Variants in REDIC1 observed in about 807,000 individuals in gnomAD.
The protein encoded by REDIC1 is regulator of DNA class I crossover intermediates 1.
the REDIC1 span, chr12:39,864,985 ACTCCTG>A: frequency 4.7e-6 from 5 of 1,063,908 alleles, no homozygotes; most frequent in Middle Eastern, 2.9e-4. Context: ...ACAAACAAAA[ACTCCTG>A]AAAAAAAAAT....
At chr12:39,698,507 T>A in the REDIC1 span, among the ~76,000 whole-genome samples, 1 of 152,182 alleles carries the variant, frequency 6.6e-6, no homozygotes, top group Admixed American at 6.5e-5. Context: ...CTAAAAGATA[T>A]TTACAGAACA....
chr12:39,678,919 C>T, the REDIC1 span, among the ~76,000 whole-genome samples: 1 of 152,008 alleles, frequency 6.6e-6, no homozygotes, highest in African/African-American at 2.4e-5. Flanking sequence ...TTAAAACCCT[C>T]AGCAAAATCA....
At chr12:39,811,336 C>T in the REDIC1 span, among the ~76,000 whole-genome samples, 2 of 151,800 alleles carry the variant, frequency 1.3e-5, no homozygotes, top group Non-Finnish European at 2.9e-5. Flanking sequence ...TTATATCTTT[C>T]CTTCTAATTA....
At chr12:39,759,572 G>A in the REDIC1 span, 1 of 154,588 alleles carries the variant, frequency 6.5e-6, no homozygotes, top group African/African-American at 2.4e-5. Context: ...CTACTCTGTA[G>A]GAAAACTGAG....
At chr12:39,871,132 T>C in the REDIC1 span, among the ~76,000 whole-genome samples, 5 of 152,174 alleles carry the variant, frequency 3.3e-5, no homozygotes, top group African/African-American at 1.2e-4. Flanking sequence ...ATGTTAAATA[T>C]GTGGGTCTCA....
At chr12:39,696,197 C>T in the REDIC1 span, among the ~76,000 whole-genome samples, 2 of 152,158 alleles carry the variant, frequency 1.3e-5, no homozygotes, top group Admixed American at 6.5e-5. Flanking sequence ...TACAAACAAA[C>T]ATCTACAAGC....
chr12:39,796,228 C>A, the REDIC1 span, among the ~76,000 whole-genome samples: 2 of 152,032 alleles, frequency 1.3e-5, no homozygotes, highest in Non-Finnish European at 2.9e-5. Flanking sequence ...TAGGGGGTAG[C>A]CCTTAACATC....
the REDIC1 span, among the ~76,000 whole-genome samples, chr12:39,713,413 CAT>C: frequency 3.4e-3 from 28 of 8,260 alleles, 1 homozygote; most frequent in East Asian, 0.033. Context: ...TATGTATACA[CAT>C]ATACATATGT....
chr12:39,626,812 G>T, the REDIC1 span, among the ~76,000 whole-genome samples: 2 of 152,224 alleles, frequency 1.3e-5, no homozygotes, highest in Admixed American at 6.5e-5. Context: ...CAGGGCACCA[G>T]TATCACCATA....
At chr12:39,860,984 G>C in the REDIC1 span, among the ~76,000 whole-genome samples, 1 of 152,138 alleles carries the variant, frequency 6.6e-6, no homozygotes, top group East Asian at 1.9e-4. Context: ...AAACCTCTGA[G>C]GCTCTACATG....
At chr12:39,820,200 C>G in the REDIC1 span, among the ~76,000 whole-genome samples, 1 of 152,050 alleles carries the variant, frequency 6.6e-6, no homozygotes, top group African/African-American at 2.4e-5. Flanking sequence ...GTTGGTTAAT[C>G]CTTGGAACTA....
chr12:39,655,102 TTCTC>T, the REDIC1 span, among the ~76,000 whole-genome samples: 3 of 152,284 alleles, frequency 2.0e-5, no homozygotes, highest in Non-Finnish European at 2.9e-5. Context: ...TAGATATGCA[TTCTC>T]TCTCTTTTTT....
At chr12:39,712,047 T>TGTATGTATATATACCTACCG in the REDIC1 span, among the ~76,000 whole-genome samples, 2 of 140,198 alleles carry the variant, frequency 1.4e-5, no homozygotes, top group East Asian at 2.3e-4. Context: ...TATACCTACC[T>TGTATGTATATATACCTACCG]GTATGTATAT....
the REDIC1 span, among the ~76,000 whole-genome samples, chr12:39,833,220 CTGAGAAGTTG>C: frequency 6.6e-6 from 1 of 152,092 alleles, no homozygotes; most frequent in Non-Finnish European, 1.5e-5. Flanking sequence ...AAGGACAGAG[CTGAGAAGTTG>C]TAACAAAAAT....
At chr12:39,700,279 A>G in the REDIC1 span, among the ~76,000 whole-genome samples, 22 of 152,212 alleles carry the variant, frequency 1.4e-4, no homozygotes, top group African/African-American at 5.3e-4. Flanking sequence ...AGGCTCGAGA[A>G]CTACTTGGAG....
chr12:39,648,438 T>C, the REDIC1 span, among the ~76,000 whole-genome samples: 269 of 151,994 alleles, frequency 1.8e-3, no homozygotes, highest in Non-Finnish European at 3.2e-3. Context: ...CAAGTTTTTA[T>C]TTTAAGTTTT....
chr12:39,838,671 A>T, the REDIC1 span, among the ~76,000 whole-genome samples: 1 of 152,178 alleles, frequency 6.6e-6, no homozygotes, highest in African/African-American at 2.4e-5. Flanking sequence ...AAGAGAAAGG[A>T]TGGCCTATTT....
At chr12:39,662,269 G>A in the REDIC1 span, among the ~76,000 whole-genome samples, 1 of 151,676 alleles carries the variant, frequency 6.6e-6, no homozygotes, top group Admixed American at 6.6e-5. Context: ...CAATCCAGGA[G>A]CATTGGATGT....
the REDIC1 span, among the ~76,000 whole-genome samples, chr12:39,714,682 C>T: frequency 4.6e-5 from 7 of 151,794 alleles, no homozygotes; most frequent in South Asian, 1.5e-3. Flanking sequence ...TTCCCACCAG[C>T]AATGTAGAAG....
Sources: allele counts gnomAD v4.1 joint callset (sites outside exome capture counted in the v4.1 genomes callset), GRCh38; gene constraint gnomAD v4.1.1; transcripts MANE v1.5; gene names NCBI Gene and HGNC (gene_info 2026-07-23, HGNC 2026-07-21).